Variants in GLI2 observed in about 807,000 individuals in gnomAD.
The protein encoded by GLI2 is transcription activator GLI2.
In GLI2, 22 loss-of-function variants were observed where a neutral mutation model predicts 78.9. That is an observed-to-expected ratio of 0.28 (90% CI 0.20 to 0.40). GLI2 has a LOEUF of 0.40. GLI2 is among the 10% of genes least tolerant of loss of function. The pLI, the probability that GLI2 is intolerant of heterozygous loss-of-function variation, is 1.00. For synonymous variants in GLI2, 974 were observed against 963.7 expected (o/e 1.01, Z -0.20); for missense variants, 2,097 against 2,213.2 (o/e 0.95, Z 1.05).
chr2:120,773,749 A>G (rs1267407880), intron 1 of GLI2, among the ~76,000 whole-genome samples: 1 of 152,120 alleles, frequency 6.6e-6, no homozygotes, highest in Non-Finnish European at 1.5e-5. Flanking sequence ...CTTGGGGCTC[A>G]AAGTGGGGCA....
chr2:120,842,058 CAAAAAAAAA>C (rs571517244), intron 2 of GLI2, among the ~76,000 whole-genome samples: 1 of 74,530 alleles, frequency 1.3e-5, no homozygotes, highest in African/African-American at 4.0e-5. Context: ...TTTGTCAACT[CAAAAAAAAA>C]AAAAAAAAAA....
intron 3 of GLI2, among the ~76,000 whole-genome samples, chr2:120,934,775 G>A (rs1311503525): frequency 1.3e-5 from 2 of 152,070 alleles, no homozygotes; most frequent in African/African-American, 2.4e-5. Context: ...GCCGGGTGTC[G>A]GTGTGCCTTC....
At chr2:120,853,431 T>G (rs573319470) in intron 2 of GLI2, among the ~76,000 whole-genome samples, 4 of 152,274 alleles carry the variant, frequency 2.6e-5, no homozygotes, top group African/African-American at 9.6e-5. Flanking sequence ...GGGGAGAAGA[T>G]TCTCCTGCAG....
At chr2:120,987,214 A>G (rs1436564218) in intron 13 of GLI2, among the ~76,000 whole-genome samples, 1 of 152,202 alleles carries the variant, frequency 6.6e-6, no homozygotes, top group African/African-American at 2.4e-5. Flanking sequence ...TGTCTTGGGT[A>G]CTGACTCTGT....
intron 2 of GLI2, among the ~76,000 whole-genome samples, chr2:120,801,001 C>T (rs1324438872): frequency 6.6e-6 from 1 of 152,212 alleles, no homozygotes; most frequent in Non-Finnish European, 1.5e-5. Flanking sequence ...TCCCCGGCAG[C>T]TCATGGCCCC....
chr2:120,853,075 C>A (rs181228394), intron 2 of GLI2, among the ~76,000 whole-genome samples: 75 of 152,320 alleles, frequency 4.9e-4, no homozygotes, highest in African/African-American at 1.7e-3. Flanking sequence ...AGACAGTAGA[C>A]GACACTGTCT....
chr2:120,949,332 C>T (rs1422748863), intron 3 of GLI2, among the ~76,000 whole-genome samples: 1 of 152,258 alleles, frequency 6.6e-6, no homozygotes, highest in Admixed American at 6.5e-5. Flanking sequence ...CAGTCTCCCT[C>T]CCATTGAGCT....
chr2:120,760,000 G>A (rs1432691228), intron 1 of GLI2, among the ~76,000 whole-genome samples: 1 of 152,262 alleles, frequency 6.6e-6, no homozygotes, highest in Non-Finnish European at 1.5e-5. Context: ...GTGTCCTCAG[G>A]TGAGAGCCCT....
At chr2:120,955,524 C>A in intron 5 of GLI2, 94 bp downstream of exon 5, 4 of 852,388 alleles carry the variant, frequency 4.7e-6, no homozygotes, top group Admixed American at 2.8e-5. Flanking sequence ...GGACAAGGAC[C>A]CTTAAGGAGA....
At chr2:120,845,491 A>G (rs369664465) in intron 2 of GLI2, among the ~76,000 whole-genome samples, 6 of 152,288 alleles carry the variant, frequency 3.9e-5, no homozygotes, top group Admixed American at 1.3e-4. Flanking sequence ...CCGTGCTCAC[A>G]TGCTGCAGCT....
chr2:120,886,161 TGTGTGTGTGTGTG>T (rs1219152899), intron 2 of GLI2, among the ~76,000 whole-genome samples: 5 of 3,532 alleles, frequency 1.4e-3, no homozygotes, highest in South Asian at 0.05. Flanking sequence ...TTTTCCAAAG[TGTGTGTGTGTGTG>T]TGTGTGTGTG....
chr2:120,812,817 G>T (rs1010021187), intron 2 of GLI2, among the ~76,000 whole-genome samples: 9 of 152,186 alleles, frequency 5.9e-5, no homozygotes, highest in African/African-American at 2.2e-4. Context: ...GCTGGCCCAG[G>T]TGAGTGCCCC....
rs1477842571 is a variant in GLI2 at position 120,797,415 on chromosome 2, C to G, written c.95C>G (p.Ala32Gly). The part of the protein sequence containing the change: ...AAGFPDPGKK[A>G]SPLVVAAAAA... ...GGCTTCCCCGACCCGGGTAAAAAGG[C>G]CTCTCCTTTGGTGGTGGCTGCAGCG... Residue 32 changes from alanine (A) to glycine (G), a missense_variant, in exon 2 of 14, where the codon GCC becomes GGC. Ala to Gly is a moderately conservative substitution (Grantham distance 60). This residue lies in a region of GLI2 where 578 missense variants were observed against 612.0 expected (regional missense o/e 0.94). Coordinates refer to ENST00000361492, the MANE Select transcript of GLI2 (RefSeq NM_001374353.1). 3 of 1,614,004 alleles carry G rather than the reference C, an allele frequency of 1.9e-6. No individual in the cohort carries two copies. The South Asian group carries it at 3.3e-5, about 18-fold the overall frequency.
intron 11 of GLI2, among the ~76,000 whole-genome samples, chr2:120,983,940 G>A (rs1682834921): frequency 2.4e-5 from 2 of 83,996 alleles, no homozygotes. Context: ...TAGACGTGGT[G>A]TGTGGGGTGT....
At chr2:120,798,775 TG>T (rs1684541334) in intron 2 of GLI2, among the ~76,000 whole-genome samples, 1 of 152,092 alleles carries the variant, frequency 6.6e-6, no homozygotes, top group Non-Finnish European at 1.5e-5. Context: ...AGGGAAGAGC[TG>T]GTGGAGCGGC....
intron 2 of GLI2, among the ~76,000 whole-genome samples, chr2:120,880,508 C>T (rs1041048361): frequency 2.0e-5 from 3 of 152,166 alleles, no homozygotes; most frequent in African/African-American, 7.2e-5. Flanking sequence ...CCAACTCCAC[C>T]ACCTGTTCCA....
intron 1 of GLI2, chr2:120,792,337 G>T (rs1340789877): frequency 6.6e-6 from 1 of 152,246 alleles, no homozygotes; most frequent in Non-Finnish European, 1.5e-5. Context: ...AAAAGACACA[G>T]GACTGTGAAA....
chr2:120,878,559 A>C (rs1009972555), intron 2 of GLI2, among the ~76,000 whole-genome samples: 1 of 152,254 alleles, frequency 6.6e-6, no homozygotes, highest in Middle Eastern at 3.2e-3. Flanking sequence ...ACAGAATTAC[A>C]TACACAGTAT....
In GLI2 at chr2:120,988,223, A is replaced by G; in HGVS notation, c.2258A>G (p.Asn753Ser). The change falls in exon 14 of 14, where the codon AAC (asparagine) becomes AGC (serine). Residue 753 changes from asparagine (N) to serine (S), a missense_variant. Asn to Ser is a conservative substitution (Grantham distance 46, BLOSUM62 1). Around this residue, in one of 5 missense-constraint regions of GLI2, gnomAD observed 1,290 missense variants for 1,261.7 expected, o/e 1.02. Transcript: ENST00000361492. ...TCTCCCGCAGGCTCCATCCTGGAAA[A>G]CTTCAGTGGCAGTGGGGGCGGCGGG... Reference protein sequence around the residue: ...PLPGSGSILENFSGSGGGGPA... With the variant: ...PLPGSGSILESFSGSGGGGPA... The G allele has an allele frequency of 6.3e-7, 1 of 1,591,138 alleles. No individual in the cohort carries two copies. The highest frequency in any genetic ancestry group is 8.5e-7 in the Non-Finnish European group (1 of 1,171,588).
Sources: allele counts gnomAD v4.1 joint callset (sites outside exome capture counted in the v4.1 genomes callset), GRCh38; gene constraint gnomAD v4.1.1; regional missense constraint gnomAD v4.1.1; transcripts MANE v1.5; gene names NCBI Gene and HGNC (gene_info 2026-07-23, HGNC 2026-07-21).